LYPLAL1: variants seen among roughly 807,000 people sequenced by gnomAD.
LYPLAL1 encodes the protein lysophospholipase like 1, also known as lysophospholipase-like protein 1.
Under a neutral mutation model 19.7 loss-of-function variants are expected in LYPLAL1, and 23 were observed. The observed-to-expected ratio is 1.17, with a 90% CI of 0.84 to 1.65. The LOEUF is 1.65. Ranked by LOEUF, LYPLAL1 falls within the 40% of genes most tolerant of loss-of-function variation. The probability of loss-of-function intolerance (pLI) is 0.00; values close to 1 mark genes in which losing one functional copy is unlikely to be tolerated. For missense variants in LYPLAL1, 355 were observed against 279.4 expected, an observed-to-expected ratio of 1.27 and a Z score of -1.93; for synonymous variants, 119 against 96.3, an observed-to-expected ratio of 1.24 and a Z score of -1.38.
At chr1:219,429,718 G>C in the LYPLAL1 span, among the ~76,000 whole-genome samples, 1 of 152,116 alleles carries the variant, frequency 6.6e-6, no homozygotes. Flanking sequence ...CCATTGCCCT[G>C]GGGAGCCATT....
At chr1:219,300,336 A>G in the LYPLAL1 span, among the ~76,000 whole-genome samples, 1 of 151,980 alleles carries the variant, frequency 6.6e-6, no homozygotes, top group Non-Finnish European at 1.5e-5. Flanking sequence ...TGGTTAAATT[A>G]TTATCTTTTG....
At chr1:219,402,121 A>C in the LYPLAL1 span, among the ~76,000 whole-genome samples, 1 of 152,220 alleles carries the variant, frequency 6.6e-6, no homozygotes, top group African/African-American at 2.4e-5. Flanking sequence ...AAAGGGAAAG[A>C]AAAACAGAGA....
At chr1:219,213,721 A>T (rs1048346125), downstream of LYPLAL1, among the ~76,000 whole-genome samples, 12 of 152,072 alleles carry the variant, frequency 7.9e-5, no homozygotes. Context: ...CTTTGCTAGC[A>T]TATTGAATCA....
chr1:219,436,433 A>G, the LYPLAL1 span, among the ~76,000 whole-genome samples: 86 of 152,284 alleles, frequency 5.6e-4, 1 homozygote, highest in African/African-American at 1.9e-3. Context: ...TCTGATTTTA[A>G]AAGAAATTTG....
the LYPLAL1 span, among the ~76,000 whole-genome samples, chr1:219,256,810 G>C: frequency 6.6e-6 from 1 of 151,820 alleles, no homozygotes; most frequent in East Asian, 1.9e-4. Context: ...GGCTATTCTT[G>C]ATCCATAAGT....
At chr1:219,214,465 G>A (rs1353068302), downstream of LYPLAL1, among the ~76,000 whole-genome samples, 2 of 151,912 alleles carry the variant, frequency 1.3e-5, no homozygotes, top group Non-Finnish European at 2.9e-5. Flanking sequence ...TTCCTTAACT[G>A]TTTGGTAGAT....
chr1:219,427,582 A>G, the LYPLAL1 span, among the ~76,000 whole-genome samples: 1 of 152,212 alleles, frequency 6.6e-6, no homozygotes, highest in Non-Finnish European at 1.5e-5. Context: ...CTACAAAAGT[A>G]TGACAGTGAC....
At chr1:219,291,025 G>C in the LYPLAL1 span, among the ~76,000 whole-genome samples, 2 of 152,118 alleles carry the variant, frequency 1.3e-5, no homozygotes, top group African/African-American at 4.8e-5. Flanking sequence ...CAGTTCTCTT[G>C]TTTGTAATAT....
chr1:219,249,639 C>G, the LYPLAL1 span, among the ~76,000 whole-genome samples: 4 of 152,044 alleles, frequency 2.6e-5, no homozygotes, highest in African/African-American at 9.7e-5. Flanking sequence ...AATTTACACT[C>G]TCATGCAAAT....
chr1:219,209,063 C>T (rs1318221305), intron 3 of LYPLAL1, among the ~76,000 whole-genome samples: 7 of 151,938 alleles, frequency 4.6e-5, no homozygotes, highest in Non-Finnish European at 1.5e-5. Flanking sequence ...TTTTTCTCCC[C>T]CACCAAGCTC....
chr1:219,436,677 G>C, the LYPLAL1 span, among the ~76,000 whole-genome samples: 1 of 152,122 alleles, frequency 6.6e-6, no homozygotes, highest in Non-Finnish European at 1.5e-5. Context: ...AAGGCTAAGT[G>C]TGTTACCATT....
At chr1:219,326,082 T>C in the LYPLAL1 span, among the ~76,000 whole-genome samples, 1 of 151,980 alleles carries the variant, frequency 6.6e-6, no homozygotes, top group Non-Finnish European at 1.5e-5. Context: ...CCCTGCTAAT[T>C]TTTGTATTTA....
chr1:219,294,846 T>A, the LYPLAL1 span, among the ~76,000 whole-genome samples: 1 of 152,210 alleles, frequency 6.6e-6, no homozygotes, highest in Non-Finnish European at 1.5e-5. Flanking sequence ...TGAACTGCAA[T>A]GAAGTTGCCA....
At chr1:219,193,612 A>G (rs571407887) in intron 3 of LYPLAL1, 1 of 159,092 alleles carries the variant, frequency 6.3e-6, no homozygotes, top group East Asian at 1.8e-4. Flanking sequence ...ATTAAGATAT[A>G]CAGTCAAAAT....
the LYPLAL1 span, among the ~76,000 whole-genome samples, chr1:219,361,856 G>A: frequency 6.6e-6 from 1 of 152,090 alleles, no homozygotes; most frequent in Non-Finnish European, 1.5e-5. Flanking sequence ...TTCTGTTTTG[G>A]CAAATGCTGT....
chr1:219,381,154 G>A, the LYPLAL1 span, among the ~76,000 whole-genome samples: 3 of 152,136 alleles, frequency 2.0e-5, no homozygotes, highest in African/African-American at 7.2e-5. Flanking sequence ...CATGGGGTGG[G>A]TTTTCGCATG....
At chr1:219,268,440 A>C in the LYPLAL1 span, among the ~76,000 whole-genome samples, 1 of 152,214 alleles carries the variant, frequency 6.6e-6, no homozygotes, top group Non-Finnish European at 1.5e-5. Context: ...AGAACCATCA[A>C]GGGGACCAAT....
chr1:219,398,731 A>G, the LYPLAL1 span, among the ~76,000 whole-genome samples: 281 of 152,236 alleles, frequency 1.8e-3, 1 homozygote, highest in African/African-American at 6.3e-3. Flanking sequence ...TTGTTTTTCT[A>G]TTATCCTATT....
chr1:219,315,129 A>G, the LYPLAL1 span, among the ~76,000 whole-genome samples: 2 of 152,146 alleles, frequency 1.3e-5, no homozygotes, highest in African/African-American at 2.4e-5. Context: ...TTTAAGTATT[A>G]TTGGGAATCT....
Sources: allele counts gnomAD v4.1 joint callset (sites outside exome capture counted in the v4.1 genomes callset), GRCh38; gene constraint gnomAD v4.1.1; transcripts MANE v1.5; gene names NCBI Gene and HGNC (gene_info 2026-07-23, HGNC 2026-07-21).